Variants in ZBTB44 observed in about 807,000 individuals in gnomAD.
ZBTB44 encodes the protein zinc finger and BTB domain-containing protein 44.
A neutral mutation model predicts 54.0 loss-of-function variants in ZBTB44; 15 were observed. The observed-to-expected ratio is 0.28, with a 90% CI of 0.19 to 0.43. The LOEUF (loss-of-function observed/expected upper bound fraction) is 0.43. ZBTB44 is among the 20% of genes least tolerant of loss of function. The pLI, the probability that ZBTB44 is intolerant of heterozygous loss-of-function variation, is 1.00. For synonymous variants in ZBTB44, 230 were observed against 250.1 expected (o/e 0.92, Z 0.76); for missense variants, 487 against 707.1 (o/e 0.69, Z 3.53).
chr11:130,232,078 C>T (rs1029230843), intron 7 of ZBTB44: 3 of 152,158 alleles, frequency 2.0e-5, no homozygotes, highest in Non-Finnish European at 4.4e-5. Flanking sequence ...TATGGGCAGA[C>T]ACAGAGAATC....
intron 2 of ZBTB44, among the ~76,000 whole-genome samples, chr11:130,250,825 G>A (rs1234256481): frequency 6.6e-6 from 1 of 152,156 alleles, no homozygotes; most frequent in African/African-American, 2.4e-5. Flanking sequence ...ATAAATCCAC[G>A]AAGATGAGGA....
rs771233666 is a variant in ZBTB44, at chr11:130,261,650, T to G, written c.224A>C (p.His75Pro). Residue 75 changes from histidine to proline, a missense_variant, in exon 2 of 8, where the codon CAT (histidine) becomes CCT (proline). Transcript: ENST00000357899. The surrounding 1 kb of genome is among the most constrained non-coding windows in gnomAD (Gnocchi z 4.8). The stretch of plus-strand genomic sequence containing the variant: ...TATAAAGCCAGTCACTGTAACATGA[T>G]GCAGATCCAACACATTCTTGTTCTC... The part of the protein sequence containing the change: ...EDENKNVLDL[H>P]HVTVTGFIPL... The G allele has an allele frequency of 4.3e-6, 7 of 1,614,046 alleles. No homozygotes were observed. Among genetic ancestry groups the G allele is most frequent in the Non-Finnish European group, 5.9e-6 (7 of 1,179,892 alleles).
Position 130,290,195 on chromosome 11 carries a change from C to T in ZBTB44, c.-57+24180G>A, listed in dbSNP as rs1020936143. On this transcript the variant is annotated intron_variant, in intron 1 of 7. Transcript: ENST00000357899. ...TGGGGAAGAGGAGGTGGTGTAGCAA[C>T]GTGAAGACCAGTGATGAATGATATA... Among the ~76,000 whole-genome samples, 9 of 152,120 alleles carry T rather than the reference C, an allele frequency of 5.9e-5. No homozygotes were observed. The South Asian group carries it at 6.2e-4, about 11-fold the overall frequency.
At chr11:130,280,699 A>C (rs1343265538) in intron 1 of ZBTB44, among the ~76,000 whole-genome samples, 2 of 152,272 alleles carry the variant, frequency 1.3e-5, no homozygotes, top group East Asian at 3.8e-4. Flanking sequence ...CAGAAAGGTA[A>C]TTAAAAAATC....
Position 130,262,752 on chromosome 11 carries a change from A to G in ZBTB44, c.-56-823T>C, listed in dbSNP as rs540286842. Among the ~76,000 whole-genome samples the G allele has an allele frequency of 5.9e-5, 9 of 152,120 alleles. No individual in the cohort carries two copies. The South Asian group carries it at 1.9e-3, about 32-fold the overall frequency. On this transcript the variant is annotated intron_variant, in intron 1 of 7. Transcript: ENST00000357899. ...AGGAAGTGGAAAGAAAAAAAAAAAG[A>G]TTTCAAGATGAATTTAAAAAGGTTG...
chr11:130,251,083 G>A (rs1000688532), intron 2 of ZBTB44, among the ~76,000 whole-genome samples: 8 of 152,104 alleles, frequency 5.3e-5, no homozygotes, highest in Admixed American at 2.0e-4. Flanking sequence ...AGAATAACCC[G>A]TTTACGGAAG....
chr11:130,259,469 T>C (rs1938689409), intron 2 of ZBTB44, among the ~76,000 whole-genome samples: 1 of 152,208 alleles, frequency 6.6e-6, no homozygotes, highest in African/African-American at 2.4e-5. Flanking sequence ...ACCCAAAGGA[T>C]TATAAATCTT....
chr11:130,304,295 C>T (rs977053671), intron 1 of ZBTB44, among the ~76,000 whole-genome samples: 1 of 152,120 alleles, frequency 6.6e-6, no homozygotes, highest in Admixed American at 6.6e-5. Context: ...AGCAAAAACA[C>T]CCCATAACGC....
chr11:130,282,682 A>T (rs1940616395), intron 1 of ZBTB44, among the ~76,000 whole-genome samples: 1 of 152,234 alleles, frequency 6.6e-6, no homozygotes, highest in South Asian at 2.1e-4. Flanking sequence ...AAGTTACCCC[A>T]AACATAGAAT....
In ZBTB44 at chr11:130,230,837, C is replaced by T. The variant is rs890424998; in HGVS notation, c.*927G>A. 3.3e-5 allele frequency: 5 copies of T among 152,052 alleles called. No individual in the cohort carries two copies. Among genetic ancestry groups the T allele is most frequent in the Non-Finnish European group, 5.9e-5 (4 of 67,938 alleles). The allele number at this position is 152,052 out of a possible 1,614,324, so 9.4% of individuals were successfully genotyped here. Reference sequence around the variant, plus strand: ...CCTTTAAACACGAAAAGAACAACTGCAGGAGCTTTAACATCCATTATCATG... The same window carrying T: ...CCTTTAAACACGAAAAGAACAACTGTAGGAGCTTTAACATCCATTATCATG... On this transcript the variant is annotated 3_prime_UTR_variant, in exon 8 of 8. Transcript: ENST00000357899.
chr11:130,236,644 GGA>G, intron 5 of ZBTB44, 147 bp downstream of exon 5: 1 of 779,902 alleles, frequency 1.3e-6, no homozygotes, highest in Non-Finnish European at 1.8e-6. Context: ...TATCAGATCA[GGA>G]GATTAGAGTA....
chr11:130,313,235 T>C (rs549411294), intron 1 of ZBTB44, among the ~76,000 whole-genome samples: 1 of 152,238 alleles, frequency 6.6e-6, no homozygotes, highest in Admixed American at 6.5e-5. Flanking sequence ...TCACTAAGTT[T>C]GTCACTTCTA....
Position 130,231,039 on chromosome 11 carries a change from G to A in ZBTB44, c.*725C>T, listed in dbSNP as rs549463957. 9.2e-5 allele frequency: 14 copies of A among 152,160 alleles called. No individual in the cohort carries two copies. Among genetic ancestry groups the A allele is most frequent in the African/African-American group, 3.4e-4 (14 of 41,546 alleles). 9.4% of individuals were successfully genotyped at this position (152,160 alleles called of 1,614,324 possible). Reference sequence around the variant, plus strand: ...TCCTGGCCTTAAGAAAGATAGCTACGTTTAAGCACTCTAAACTGGAATATT... The same window carrying A: ...TCCTGGCCTTAAGAAAGATAGCTACATTTAAGCACTCTAAACTGGAATATT... On this transcript the variant is annotated 3_prime_UTR_variant, in exon 8 of 8. Coordinates refer to ENST00000357899, the MANE Select transcript of ZBTB44 (RefSeq NM_001301098.2).
Position 130,261,464 on chromosome 11 carries a change from G to A in ZBTB44, c.410C>T (p.Pro137Leu), listed in dbSNP as rs774874652. The change falls in exon 2 of 8, where the codon CCT (proline) becomes CTT (leucine). Residue 137 changes from proline to leucine, a missense_variant. This residue lies in a region of ZBTB44 where 277 missense variants were observed against 306.5 expected (regional missense o/e 0.90). Transcript: ENST00000357899. This position sits in a 1 kb window ranked among gnomAD's most constrained non-coding sequence, Gnocchi z 4.8. Reference protein sequence around the residue: ...SILWNTPNSQPEKGLDAGQEN... With the variant: ...SILWNTPNSQLEKGLDAGQEN... ...TTGTCCAGCATCTAGACCCTTTTCA[G>A]GTTGGCTGTTGGGTGTATTCCATAA... 1.2e-5 allele frequency: 19 copies of A among 1,613,980 alleles called. No homozygotes were observed. The highest frequency in any genetic ancestry group is 1.6e-5 in the Non-Finnish European group (19 of 1,179,888).
At chr11:130,296,324 G>A (rs1941640946) in intron 1 of ZBTB44, 1 of 1,521,894 alleles carries the variant, frequency 6.6e-7, no homozygotes, top group Non-Finnish European at 8.9e-7. Context: ...AGAACCGAAA[G>A]AAGCTCGTGG....
At chr11:130,295,123 A>G (rs1428249396) in intron 1 of ZBTB44, among the ~76,000 whole-genome samples, 2 of 152,180 alleles carry the variant, frequency 1.3e-5, no homozygotes, top group Admixed American at 6.5e-5. Flanking sequence ...ATCAAGAAGC[A>G]GAAACTCAAA....
At chr11:130,295,161 G>A (rs1030356459) in intron 1 of ZBTB44, among the ~76,000 whole-genome samples, 3 of 152,092 alleles carry the variant, frequency 2.0e-5, no homozygotes, top group Non-Finnish European at 2.9e-5. Flanking sequence ...AAAGTTGCAG[G>A]GGCCTCAAAT....
chr11:130,250,821 C>T lies in ZBTB44; in HGVS notation c.1018+10035G>A, dbSNP rs148118564. Reference sequence around the variant, plus strand: ...CCTCAAAGATCAAAGATAGATAAATCCACGAAGATGAGGAAAAACCAGCAC... The same window carrying T: ...CCTCAAAGATCAAAGATAGATAAATTCACGAAGATGAGGAAAAACCAGCAC... On this transcript the variant is annotated intron_variant, in intron 2 of 7. Coordinates refer to ENST00000357899, the MANE Select transcript of ZBTB44 (RefSeq NM_001301098.2). Among the ~76,000 whole-genome samples the T allele has an allele frequency of 2.5e-4, 38 of 152,298 alleles. 3 individuals are homozygous for T. In the East Asian group the frequency reaches 7.3e-3, roughly 29 times the overall value.
intron 1 of ZBTB44, among the ~76,000 whole-genome samples, chr11:130,267,401 G>C (rs1939329697): frequency 6.6e-6 from 1 of 151,760 alleles, no homozygotes; most frequent in South Asian, 2.1e-4. Flanking sequence ...GAAGAGCTAG[G>C]TAAGATTATA....
Sources: allele counts gnomAD v4.1 joint callset (sites outside exome capture counted in the v4.1 genomes callset), GRCh38; gene constraint gnomAD v4.1.1; regional missense constraint gnomAD v4.1.1; non-coding constraint Gnocchi (gnomAD v3.1); transcripts MANE v1.5; gene names NCBI Gene and HGNC (gene_info 2026-07-23, HGNC 2026-07-21).